Variants in MEF2A observed in about 807,000 individuals in gnomAD.
MEF2A encodes the protein myocyte enhancer factor 2A.
In MEF2A, 28 loss-of-function variants were observed where a neutral mutation model predicts 55.8. That is an observed-to-expected ratio of 0.50 (90% CI 0.37 to 0.69). The LOEUF (loss-of-function observed/expected upper bound fraction) is 0.69, where lower values mean the gene tolerates loss of function less well. Among genes scored for constraint, MEF2A ranks in the 30% least tolerant of loss-of-function variants. The pLI, the probability that MEF2A is intolerant of heterozygous loss-of-function variation, is 0.00. For synonymous variants in MEF2A, 239 were observed against 227.1 expected (o/e 1.05, Z -0.47); for missense variants, 528 against 626.2 (o/e 0.84, Z 1.67).
chr15:99,573,796 G>T (rs1020672705), intron 1 of MEF2A, among the ~76,000 whole-genome samples: 1 of 152,222 alleles, frequency 6.6e-6, no homozygotes, highest in Non-Finnish European at 1.5e-5. Context: ...AATAGTGAAA[G>T]TCATTCCCCA....
chr15:99,587,312 G>A (rs944790366), intron 1 of MEF2A, among the ~76,000 whole-genome samples: 4 of 152,010 alleles, frequency 2.6e-5, no homozygotes, highest in Non-Finnish European at 4.4e-5. Context: ...GTGGTGTTTG[G>A]TTTTCTGCTC....
chr15:99,607,708 C>G (rs981120591), intron 2 of MEF2A, among the ~76,000 whole-genome samples: 2 of 152,252 alleles, frequency 1.3e-5, no homozygotes, highest in African/African-American at 4.8e-5. Flanking sequence ...ATTTTCATTT[C>G]TATGCCTTGC....
rs545059989 is a variant in MEF2A, at chr15:99,645,122, C to T, written c.55-439C>T. 2.6e-5 allele frequency among the ~76,000 whole-genome samples: 4 copies of T among 152,134 alleles called. No homozygotes were observed. The South Asian group carries it at 8.3e-4, about 32-fold the overall frequency. On this transcript the variant is annotated intron_variant, in intron 3 of 11. Transcript: ENST00000557942. ...CCCAGACTGTGAATTTCAGTGGGTA[C>T]AATAGAGAAGGGCTTGAGAGGGAGG...
intron 4 of MEF2A, among the ~76,000 whole-genome samples, chr15:99,658,542 A>G (rs1405778111): frequency 6.6e-6 from 1 of 152,046 alleles, no homozygotes; most frequent in Non-Finnish European, 1.5e-5. Context: ...ATTTTCTAGG[A>G]TTGATGAAAG....
chr15:99,585,920 G>GT (rs1967077246), intron 1 of MEF2A, among the ~76,000 whole-genome samples: 1 of 151,772 alleles, frequency 6.6e-6, no homozygotes, highest in African/African-American at 2.4e-5. Context: ...AAATTTGTAG[G>GT]TTTTTTTCCT....
chr15:99,712,317 G>C lies in MEF2A; in HGVS notation c.1137-73G>C. ...TCTGGGCCCTTTTCCATCAGGCAGTGTCTCTACTGTATCATCCCAGTTTTG... is the reference window on the plus strand; with the variant it reads ...TCTGGGCCCTTTTCCATCAGGCAGTCTCTCTACTGTATCATCCCAGTTTTG... On this transcript the variant is annotated intron_variant, in intron 11 of 11. Coordinates refer to ENST00000557942, the MANE Select transcript of MEF2A (RefSeq NM_001319206.4). The surrounding 1 kb of genome is among the most constrained non-coding windows in gnomAD (Gnocchi z 4.1). 6.9e-7 allele frequency: 1 copy of C among 1,455,536 alleles called. No homozygotes were observed. The highest frequency in any genetic ancestry group is 2.5e-5 in the East Asian group (1 of 40,076). The allele number at this position is 1,455,536 out of a possible 1,614,324, so 90.2% of individuals were successfully genotyped here.
At position 99,715,564 on chromosome 15, in the gene MEF2A, T is replaced by G. The variant is rs985094997; in HGVS notation, c.*2793T>G. On this transcript the variant is annotated 3_prime_UTR_variant, in exon 12 of 12. Coordinates refer to ENST00000557942, the MANE Select transcript of MEF2A (RefSeq NM_001319206.4). ...CATCTCTCACCCAGACGCCCACGTG[T>G]GAACACACCCACATCCACATCTCTG... The G allele has an allele frequency of 2.0e-5, 3 of 152,222 alleles. No individual in the cohort carries two copies. The highest frequency in any genetic ancestry group is 4.4e-5 in the Non-Finnish European group (3 of 68,038). The allele number at this position is 152,222 out of a possible 1,614,324, so 9.4% of individuals were successfully genotyped here.
chr15:99,711,029 ATCTGAAGGGG>A (rs1041231790), intron 11 of MEF2A, among the ~76,000 whole-genome samples: 2 of 152,166 alleles, frequency 1.3e-5, no homozygotes, highest in African/African-American at 4.8e-5. Flanking sequence ...CTCAACCAGG[ATCTGAAGGGG>A]TCTGAAGGCA....
At chr15:99,676,857 G>A (rs2052203747) in intron 7 of MEF2A, among the ~76,000 whole-genome samples, 1 of 152,120 alleles carries the variant, frequency 6.6e-6, no homozygotes, top group Admixed American at 6.5e-5. Context: ...AGATCGTAGT[G>A]ATTAGAAATT....
Position 99,674,431 on chromosome 15 carries a change from A to G in MEF2A, c.429A>G (p.Thr143=). Residue 143 remains threonine, a synonymous_variant, in exon 6 of 12, where the codon ACA becomes ACG. Coordinates refer to ENST00000557942, the MANE Select transcript of MEF2A (RefSeq NM_001319206.4). The part of the protein sequence containing the change: ...LPPQNFSMSV[T]VPVTSPNALS... ...CTCAGAACTTTTCAATGTCTGTCAC[A>G]GTTCCAGTGACCAGCCCCAATGCTT... 1.9e-6 allele frequency: 3 copies of G among 1,613,396 alleles called. No homozygotes were observed. The highest frequency in any genetic ancestry group is 1.3e-5 in the African/African-American group (1 of 75,048).
At position 99,716,270 on chromosome 15, in the gene MEF2A, G is replaced by A. The variant is rs939361624; in HGVS notation, c.*3499G>A. 2 of 340,524 alleles carry A rather than the reference G, an allele frequency of 5.9e-6. No individual in the cohort carries two copies. Among genetic ancestry groups the A allele is most frequent in the Non-Finnish European group, 5.8e-6 (1 of 171,778 alleles). 21.1% of individuals were successfully genotyped at this position (340,524 alleles called of 1,614,324 possible). On this transcript the variant is annotated 3_prime_UTR_variant, in exon 12 of 12. Transcript: ENST00000557942. ...GTACACGGTTTGATCATGTAAAACC[G>A]TTTGGCGGCACAAGCTGGACTTTGT...
intron 1 of MEF2A, among the ~76,000 whole-genome samples, chr15:99,590,107 T>C (rs1234830776): frequency 6.6e-6 from 1 of 152,112 alleles, no homozygotes; most frequent in Non-Finnish European, 1.5e-5. Flanking sequence ...CCAGCTGTAA[T>C]TGTAGATATC....
rs1434602735 is a variant in MEF2A, at chr15:99,699,519, AAG to A, written c.859-3840_859-3839del. On this transcript the variant is annotated intron_variant, in intron 8 of 11. Transcript: ENST00000557942. Reference sequence around the variant, plus strand: ...TGAAACTCATGAAACTGTACCTACAAAGAGTGACTTTTACTAAATGCAATTTA... The same window carrying A: ...TGAAACTCATGAAACTGTACCTACAAAGTGACTTTTACTAAATGCAATTTA... Among the ~76,000 whole-genome samples the A allele has an allele frequency of 2.6e-5, 4 of 152,258 alleles. No individual in the cohort carries two copies. The South Asian group carries it at 8.3e-4, about 31-fold the overall frequency.
intron 1 of MEF2A, among the ~76,000 whole-genome samples, chr15:99,581,573 G>C (rs942088063): frequency 1.3e-4 from 19 of 151,862 alleles, no homozygotes; most frequent in African/African-American, 4.6e-4. Context: ...CCATACAATG[G>C]CCTAGGTTCT....
chr15:99,673,040 A>T (rs1033889005), intron 5 of MEF2A, among the ~76,000 whole-genome samples: 1 of 152,150 alleles, frequency 6.6e-6, no homozygotes, highest in African/African-American at 2.4e-5. Context: ...GAAAAGATAT[A>T]TTGAAGCTGA....
intron 2 of MEF2A, among the ~76,000 whole-genome samples, chr15:99,599,660 G>A (rs1972338191): frequency 6.6e-6 from 1 of 152,124 alleles, no homozygotes; most frequent in South Asian, 2.1e-4. Flanking sequence ...CTGATGCAAA[G>A]TACCTTCAGT....
chr15:99,672,169 C>T (rs2051018477), intron 5 of MEF2A, among the ~76,000 whole-genome samples: 1 of 152,204 alleles, frequency 6.6e-6, no homozygotes, highest in African/African-American at 2.4e-5. Context: ...GCTATAATAG[C>T]AGAGCTAAGC....
chr15:99,620,427 C>T (rs918710407), intron 2 of MEF2A, among the ~76,000 whole-genome samples: 25 of 152,304 alleles, frequency 1.6e-4, no homozygotes, highest in Admixed American at 5.2e-4. Flanking sequence ...CACTGATAAA[C>T]GAGAACAGTG....
At chr15:99,592,526 G>C (rs1267379157) in intron 1 of MEF2A, among the ~76,000 whole-genome samples, 6 of 152,098 alleles carry the variant, frequency 3.9e-5, no homozygotes, top group Non-Finnish European at 8.8e-5. Flanking sequence ...AACTTAGACT[G>C]GATAATTTAT....
Sources: gnomAD v4.1 joint callset for allele counts (sites outside exome capture counted in the v4.1 genomes callset) on GRCh38, gnomAD v4.1.1 for gene constraint, Gnocchi (gnomAD v3.1) non-coding constraint, MANE v1.5 for transcripts, NCBI Gene and HGNC (gene_info 2026-07-23, HGNC 2026-07-21) for gene names.